Variants in MAPK12 observed in about 807,000 individuals in gnomAD.
MAPK12 encodes the protein mitogen-activated protein kinase 12, also known as MAP kinase 12.
Under a neutral mutation model 49.1 loss-of-function variants are expected in MAPK12, and 49 were observed. The observed-to-expected ratio is 1.00, with a 90% CI of 0.79 to 1.27. The LOEUF (loss-of-function observed/expected upper bound fraction) is 1.27, where lower values mean the gene tolerates loss of function less well. Among genes scored for constraint, MAPK12 ranks in the 50% most tolerant of loss-of-function variants. MAPK12 has a pLI of 0.00. For synonymous variants in MAPK12, 251 were observed against 209.7 expected (o/e 1.20, Z -1.70); for missense variants, 554 against 502.4 (o/e 1.10, Z -0.98).
intron 11 of MAPK12, chr22:50,254,753 C>T (rs2065131161): frequency 2.7e-6 from 3 of 1,094,314 alleles, no homozygotes; most frequent in African/African-American, 3.3e-5. Context: ...CAGGGTGGCC[C>T]AGGTCTCTGG....
chr22:50,259,553 C>T (rs890569022), intron 2 of MAPK12, among the ~76,000 whole-genome samples: 1 of 152,100 alleles, frequency 6.6e-6, no homozygotes, highest in African/African-American at 2.4e-5. Flanking sequence ...ACAGGCACAG[C>T]GGAGATCCCA....
At chr22:50,258,451 A>AGT in intron 2 of MAPK12, 150 bp from the exon 3 acceptor site, 1 of 711,214 alleles carries the variant, frequency 1.4e-6, no homozygotes, top group Non-Finnish European at 2.5e-6. Flanking sequence ...GCCCACTGGC[A>AGT]GTGTGGCCCA....
In MAPK12 at chr22:50,255,691, AG is replaced by A. The variant is rs781305012; in HGVS notation, c.694del (p.Leu232TrpfsTer4). The part of the protein sequence containing the change: ...GKTLFKGSDH[L>X]DQLKEIMKVT... ...CTTCATGATCTCCTTCAGCTGGTCCAGGTCTGCACCGAGGTCAGGAACACAG... is the reference window on the plus strand; with the variant it reads ...CTTCATGATCTCCTTCAGCTGGTCCAGTCTGCACCGAGGTCAGGAACACAG... On this transcript the variant is annotated frameshift_variant and splice_region_variant, in exon 9 of 12. Coordinates refer to ENST00000215659, the MANE Select transcript of MAPK12 (RefSeq NM_002969.6). LOFTEE classifies it high-confidence loss of function. 2 of 1,609,076 alleles carry A rather than the reference AG, an allele frequency of 1.2e-6. No homozygotes were observed. Among genetic ancestry groups the A allele is most frequent in the South Asian group, 2.2e-5 (2 of 91,066 alleles).
chr22:50,258,703 G>C (rs1165457788), intron 2 of MAPK12, among the ~76,000 whole-genome samples: 1 of 152,272 alleles, frequency 6.6e-6, no homozygotes, highest in Non-Finnish European at 1.5e-5. Context: ...GCCTCTGCTG[G>C]TGAGGCCCAG....
At chr22:50,257,032 C>T in intron 4 of MAPK12, 50 bp downstream of exon 4, 3 of 1,604,088 alleles carry the variant, frequency 1.9e-6, no homozygotes, top group Non-Finnish European at 2.6e-6. Flanking sequence ...CTCCTCTGCC[C>T]AGCCCCGAGG....
intron 2 of MAPK12, among the ~76,000 whole-genome samples, chr22:50,260,175 A>C (rs996005551): frequency 1.7e-4 from 26 of 151,776 alleles, no homozygotes. Flanking sequence ...GCCTCAGAGA[A>C]AAAGACCCAT....
chr22:50,257,505 G>A (rs1284692746), intron 3 of MAPK12: 4 of 524,058 alleles, frequency 7.6e-6, no homozygotes, highest in African/African-American at 5.7e-5. Flanking sequence ...TGCCAGGCTA[G>A]GGGCTGAGGC....
At chr22:50,258,556 G>A in intron 2 of MAPK12, among the ~76,000 whole-genome samples, 1 of 152,250 alleles carries the variant, frequency 6.6e-6, no homozygotes, top group Non-Finnish European at 1.5e-5. Context: ...GGGATCTTCT[G>A]GGGGAGGGGC....
chr22:50,256,680 AC>A, intron 5 of MAPK12, 34 bp from the exon 6 acceptor site: 1 of 1,592,518 alleles, frequency 6.3e-7, no homozygotes, highest in Non-Finnish European at 8.5e-7. Flanking sequence ...ACTGTGCCCC[AC>A]CCTCCCAAGC....
At chr22:50,256,227 C>G (rs1390116525) in intron 6 of MAPK12, 28 bp from the exon 7 acceptor site, 1 of 1,561,876 alleles carries the variant, frequency 6.4e-7, no homozygotes, top group East Asian at 2.2e-5. Flanking sequence ...GAGGTGGGTT[C>G]TAGGGGACTC....
intron 11 of MAPK12, 163 bp from the exon 12 acceptor site, chr22:50,253,643 C>T: frequency 1.6e-6 from 1 of 607,508 alleles, no homozygotes; most frequent in Non-Finnish European, 3.0e-6. Flanking sequence ...GAGGCCATTG[C>T]TCTAGATCTG....
rs1489463237 is a variant in MAPK12, at chr22:50,256,967, G to T, written c.427-3C>A. ...ATGATGCCGGCAGCGTGGATATACT[G>T]CGGGGGGCAGAGGATTTGGCAGGCT... On this transcript the variant is annotated splice_polypyrimidine_tract_variant and splice_region_variant and intron_variant, in intron 4 of 11. Coordinates refer to ENST00000215659, the MANE Select transcript of MAPK12 (RefSeq NM_002969.6). 2 of 1,606,492 alleles carry T rather than the reference G, an allele frequency of 1.2e-6. No homozygotes were observed. The highest frequency in any genetic ancestry group is 2.7e-5 in the African/African-American group (2 of 74,780).
chr22:50,259,266 G>A (rs542981163), intron 2 of MAPK12, among the ~76,000 whole-genome samples: 2 of 152,132 alleles, frequency 1.3e-5, no homozygotes, highest in African/African-American at 4.8e-5. Context: ...GGGCAGCGGG[G>A]ACTGTGGACA....
chr22:50,255,575 T>TCCGGCCCCCCCCCCCCCCC, intron 9 of MAPK12, 40 bp downstream of exon 9: 2 of 1,611,508 alleles, frequency 1.2e-6, no homozygotes, highest in Non-Finnish European at 1.7e-6. Context: ...AAGGCCCAGG[T>TCCGGCCCCCCCCCCCCCCC]CCGCCCCCAC....
chr22:50,255,136 G>A (rs1288914609), intron 11 of MAPK12, 61 bp downstream of exon 11: 5 of 1,599,096 alleles, frequency 3.1e-6, no homozygotes, highest in Non-Finnish European at 4.3e-6. Context: ...GGTCCACACA[G>A]GCCCTGCCCA....
intron 2 of MAPK12, among the ~76,000 whole-genome samples, chr22:50,259,328 G>A (rs1430405218): frequency 1.3e-5 from 2 of 152,086 alleles, no homozygotes; most frequent in African/African-American, 4.8e-5. Context: ...CGGAGAGCAG[G>A]GTCCTGTGGG....
rs2065122841 is a variant in MAPK12, at chr22:50,253,885, C to A, written c.1025-405G>T. 2.0e-5 allele frequency: 4 copies of A among 204,510 alleles called. No homozygotes were observed. The South Asian group carries it at 2.8e-4, about 15-fold the overall frequency. The allele number at this position is 204,510 out of a possible 1,614,324, so 12.7% of individuals were successfully genotyped here. On this transcript the variant is annotated intron_variant, in intron 11 of 11. Coordinates refer to ENST00000215659, the MANE Select transcript of MAPK12 (RefSeq NM_002969.6). ...AAGGGTGGAGGCCCTGCTGCGGGCA[C>A]CCAGGGACCCGTGGTCGTAAGGAGC...
chr22:50,253,355 G>A lies in MAPK12; in HGVS notation c.*46C>T, dbSNP rs1473558038. 7.3e-7 allele frequency: 1 copy of A among 1,364,954 alleles called. No homozygotes were observed. The highest frequency in any genetic ancestry group is 2.0e-5 in the Admixed American group (1 of 50,744). 84.6% of individuals were successfully genotyped at this position (1,364,954 alleles called of 1,614,324 possible). A position where few individuals can be genotyped will look rare whatever the true frequency, so the allele number is the denominator to read the frequency against. ...TGGCAACGAGAGTCCCCTCTCAGGT[G>A]GAAGGTGAAGGTGGTCCTCACTGCC... On this transcript the variant is annotated 3_prime_UTR_variant, in exon 12 of 12. Transcript: ENST00000215659.
At chr22:50,255,039 A>C (rs1370827233) in intron 11 of MAPK12, 158 bp downstream of exon 11, 1 of 1,501,082 alleles carries the variant, frequency 6.7e-7, no homozygotes, top group Non-Finnish European at 8.9e-7. Context: ...GGCCACCTGC[A>C]CAGGGCCCAC....
Sources: gnomAD v4.1 joint callset for allele counts (sites outside exome capture counted in the v4.1 genomes callset) on GRCh38, gnomAD v4.1.1 for gene constraint, MANE v1.5 for transcripts, NCBI Gene and HGNC (gene_info 2026-07-23, HGNC 2026-07-21) for gene names.